The following ROBO1 variants were observed in gnomAD, a reference collection of about 807,000 sequenced individuals.
ROBO1 encodes the protein roundabout homolog 1.
Under a neutral mutation model 195.9 loss-of-function variants are expected in ROBO1, and 149 were observed. The ratio of observed to expected loss-of-function variants is 0.76; its 90% CI spans 0.67 to 0.87. ROBO1 has a LOEUF of 0.87. ROBO1 is among the 40% of genes least tolerant of loss of function. The pLI is 0.00. For synonymous variants in ROBO1, 816 were observed against 733.2 expected (o/e 1.11, Z -1.82); for missense variants, 1,933 against 2,068.3 (o/e 0.93, Z 1.27).
At chr3:78,682,503 GTATA>G (rs113204783) in intron 10 of ROBO1, among the ~76,000 whole-genome samples, 3 of 146,520 alleles carry the variant, frequency 2.0e-5, no homozygotes. Flanking sequence ...ATGTATATAT[GTATA>G]TATGACTGTG....
intron 1 of ROBO1, among the ~76,000 whole-genome samples, chr3:79,643,601 G>A (rs1945731298): frequency 6.6e-6 from 1 of 151,756 alleles, no homozygotes; most frequent in Admixed American, 6.6e-5. Context: ...CCCTATTTTT[G>A]GTCAGTTTGT....
At chr3:78,806,579 G>A (rs545343229) in intron 4 of ROBO1, among the ~76,000 whole-genome samples, 6 of 152,242 alleles carry the variant, frequency 3.9e-5, no homozygotes, top group Admixed American at 1.3e-4. Context: ...GCCAGATGAA[G>A]TAACACTTAT....
At position 79,276,370 on chromosome 3, in the gene ROBO1, G is replaced by C. The variant is rs547228204; in HGVS notation, c.89-150831C>G. On this transcript the variant is annotated intron_variant, in intron 2 of 30. Coordinates refer to ENST00000464233, the MANE Select transcript of ROBO1 (RefSeq NM_002941.4). ...AAACCAAGAACTAACACTGGGGAAA[G>C]GACAGTCTCTTCAATAACCAGTGCT... 2.0e-5 allele frequency among the ~76,000 whole-genome samples: 3 copies of C among 152,036 alleles called. No homozygotes were observed. The East Asian group carries it at 5.8e-4, about 29-fold the overall frequency.
intron 2 of ROBO1, among the ~76,000 whole-genome samples, chr3:79,172,315 TACAA>T (rs1261142418): frequency 5.3e-5 from 8 of 152,184 alleles, no homozygotes; most frequent in African/African-American, 1.9e-4. Context: ...TATAAATGCA[TACAA>T]ACAAATACAT....
At chr3:79,665,759 A>G (rs796655437) in intron 1 of ROBO1, among the ~76,000 whole-genome samples, 9 of 152,080 alleles carry the variant, frequency 5.9e-5, no homozygotes, top group African/African-American at 2.2e-4. Context: ...TGATTAAAGG[A>G]GCAATAGAAA....
At chr3:78,898,699 T>C (rs2037406813) in intron 4 of ROBO1, among the ~76,000 whole-genome samples, 2 of 152,004 alleles carry the variant, frequency 1.3e-5, no homozygotes. Flanking sequence ...CTAAAACATA[T>C]ATTTTTATAT....
At chr3:79,459,792 A>G (rs1413134863) in intron 2 of ROBO1, among the ~76,000 whole-genome samples, 2 of 152,152 alleles carry the variant, frequency 1.3e-5, no homozygotes, top group African/African-American at 4.8e-5. Context: ...CATTTTCACA[A>G]GGTATTATTA....
chr3:79,336,563 G>A (rs1410700535), intron 2 of ROBO1, among the ~76,000 whole-genome samples: 1 of 152,208 alleles, frequency 6.6e-6, no homozygotes, highest in Non-Finnish European at 1.5e-5. Flanking sequence ...ATGGAAACAC[G>A]TGGATATCCA....
chr3:79,301,136 C>T (rs536843493), intron 2 of ROBO1, among the ~76,000 whole-genome samples: 1 of 152,268 alleles, frequency 6.6e-6, no homozygotes, highest in East Asian at 1.9e-4. Flanking sequence ...TGGGTCCACG[C>T]TGCTTTTATG....
chr3:79,091,465 TCC>T (rs1426923587), intron 3 of ROBO1, among the ~76,000 whole-genome samples: 1 of 152,120 alleles, frequency 6.6e-6, no homozygotes, highest in Non-Finnish European at 1.5e-5. Flanking sequence ...CTACCTTCAT[TCC>T]TTAAACACAT....
intron 4 of ROBO1, among the ~76,000 whole-genome samples, chr3:78,857,657 G>A (rs527757645): frequency 1.3e-5 from 2 of 152,252 alleles, no homozygotes; most frequent in East Asian, 1.9e-4. Context: ...CAGAAACTCT[G>A]GACGTGGCCA....
intron 3 of ROBO1, among the ~76,000 whole-genome samples, chr3:78,954,754 A>G (rs947754516): frequency 2.6e-5 from 4 of 152,044 alleles, no homozygotes; most frequent in Admixed American, 2.0e-4. Context: ...GAAATAGCAG[A>G]TGGTTATATA....
intron 3 of ROBO1, among the ~76,000 whole-genome samples, chr3:79,001,400 C>T (rs375440726): frequency 3.9e-5 from 6 of 152,076 alleles, no homozygotes; most frequent in African/African-American, 4.8e-5. Flanking sequence ...ATCCCTCCCA[C>T]GACACATGGG....
rs768722543 is a variant in ROBO1, at chr3:78,685,859, G to A, written c.1229C>T (p.Thr410Ile). ...GACATTAGTAATTGTGAGGTCGCCA[G>A]TCTGGGAGACTGAAAATCGGCTGGA... Reference protein sequence around the residue: ...QSSSRFSVSQTGDLTITNVQR... With the variant: ...QSSSRFSVSQIGDLTITNVQR... The change falls in exon 10 of 31, where the codon ACT becomes ATT. Residue 410 changes from threonine to isoleucine, a missense_variant. Coordinates refer to ENST00000464233, the MANE Select transcript of ROBO1 (RefSeq NM_002941.4). The A allele has an allele frequency of 3.7e-6, 6 of 1,609,308 alleles. No individual in the cohort carries two copies. Among genetic ancestry groups the A allele is most frequent in the Non-Finnish European group, 5.1e-6 (6 of 1,177,092 alleles).
At chr3:78,882,893 A>G (rs1205303355) in intron 4 of ROBO1, among the ~76,000 whole-genome samples, 2 of 149,820 alleles carry the variant, frequency 1.3e-5, no homozygotes, top group East Asian at 2.0e-4. Context: ...GCTCACTGCA[A>G]TCTCCGCCTC....
intron 1 of ROBO1, among the ~76,000 whole-genome samples, chr3:79,760,253 A>AAAAAAAAAAC (rs1704620319): frequency 6.9e-6 from 1 of 144,730 alleles, no homozygotes. Context: ...AAAAAAAAAA[A>AAAAAAAAAAC]AAAAAAAAAA....
intron 1 of ROBO1, among the ~76,000 whole-genome samples, chr3:79,727,382 A>G (rs569564383): frequency 6.6e-6 from 1 of 152,330 alleles, no homozygotes; most frequent in East Asian, 1.9e-4. Context: ...GTGACAATAG[A>G]GGTGATAATA....
chr3:79,734,231 G>A (rs756476159), intron 1 of ROBO1, among the ~76,000 whole-genome samples: 6 of 152,086 alleles, frequency 3.9e-5, no homozygotes, highest in Non-Finnish European at 8.8e-5. Context: ...ACAGGCATGA[G>A]CCACCATGCC....
At chr3:78,759,744 T>G (rs1247809946) in intron 4 of ROBO1, among the ~76,000 whole-genome samples, 1 of 152,196 alleles carries the variant, frequency 6.6e-6, no homozygotes, top group Non-Finnish European at 1.5e-5. Context: ...TAAGGAACTG[T>G]GGAACATTTT....
Sources: gnomAD v4.1 joint callset for allele counts (sites outside exome capture counted in the v4.1 genomes callset) on GRCh38, gnomAD v4.1.1 for gene constraint, MANE v1.5 for transcripts, NCBI Gene and HGNC (gene_info 2026-07-23, HGNC 2026-07-21) for gene names.